The following ODF2 variants were observed in gnomAD, a reference collection of about 807,000 sequenced individuals.
ODF2 encodes outer dense fiber of sperm tails 2, also known as outer dense fiber protein 2.
In ODF2, 47 loss-of-function variants were observed where a neutral mutation model predicts 110.2. The observed-to-expected ratio is 0.43, with a 90% CI of 0.34 to 0.54. The LOEUF (loss-of-function observed/expected upper bound fraction) is 0.54, where lower values mean the gene tolerates loss of function less well. Among genes scored for constraint, ODF2 ranks in the 20% least tolerant of loss-of-function variants. The probability of loss-of-function intolerance (pLI) is 0.03; values close to 1 mark genes in which losing one functional copy is unlikely to be tolerated. For missense variants in ODF2, 812 were observed against 1,054.5 expected (o/e 0.77, Z 3.19); for synonymous variants, 352 against 397.7 (o/e 0.89, Z 1.37).
chr9:128,469,053 T>C (rs1839044781), intron 4 of ODF2, 130 bp from the exon 5 acceptor site: 6 of 754,890 alleles, frequency 7.9e-6, no homozygotes, highest in Non-Finnish European at 1.1e-5. Flanking sequence ...TCAGAGTATG[T>C]TCTTCCTGGG....
At chr9:128,492,581 T>C in intron 15 of ODF2, 45 bp downstream of exon 15, 1 of 1,527,628 alleles carries the variant, frequency 6.5e-7, no homozygotes, top group Non-Finnish European at 9.0e-7. Context: ...GTGCCCTCCC[T>C]GCCCCCATCA....
At chr9:128,455,469 G>C (rs1834577132), upstream of ODF2, 2 of 263,734 alleles carry the variant, frequency 7.6e-6, no homozygotes. Context: ...CAGGAGAATG[G>C]CGTGAACCCG....
At chr9:128,489,852 A>G (rs986826428) in intron 14 of ODF2, among the ~76,000 whole-genome samples, 2 of 152,202 alleles carry the variant, frequency 1.3e-5, no homozygotes, top group Non-Finnish European at 2.9e-5. Flanking sequence ...GTTACTGAAT[A>G]GTAAAGTAGT....
chr9:128,496,018 A>C, intron 17 of ODF2, 23 bp from the exon 18 acceptor site: 1 of 1,613,262 alleles, frequency 6.2e-7, no homozygotes, highest in Non-Finnish European at 8.5e-7. Context: ...TTTGTAAACC[A>C]GTCTGTGTTC....
At chr9:128,463,092 A>G (rs1836927636) in intron 4 of ODF2, among the ~76,000 whole-genome samples, 1 of 150,438 alleles carries the variant, frequency 6.6e-6, no homozygotes, top group Admixed American at 6.6e-5. Context: ...GTGAGATCCT[A>G]TCTCTACAAA....
upstream of ODF2, among the ~76,000 whole-genome samples, chr9:128,455,842 C>T (rs1005398651): frequency 6.6e-6 from 1 of 152,148 alleles, no homozygotes; most frequent in East Asian, 1.9e-4. Flanking sequence ...GCGTCGGAAC[C>T]GTACGCTCCT....
chr9:128,467,723 C>T (rs1232333322), intron 4 of ODF2, among the ~76,000 whole-genome samples: 1 of 117,810 alleles, frequency 8.5e-6, no homozygotes, highest in Non-Finnish European at 1.6e-5. Context: ...CCAGCCTAGG[C>T]GATGGAGTGA....
exon 2 of ODF2, chr9:128,457,377 G>GC: frequency 6.2e-7 from 1 of 1,612,726 alleles, no homozygotes; most frequent in East Asian, 2.2e-5. Flanking sequence ...TGACCCAATT[G>GC]CCCACCTTTG....
At chr9:128,493,088 C>CA in intron 16 of ODF2, among the ~76,000 whole-genome samples, 1 of 145,934 alleles carries the variant, frequency 6.9e-6, no homozygotes, top group South Asian at 2.2e-4. Context: ...ATAACAACAA[C>CA]AAAAAAACTC....
intron 5 of ODF2, 70 bp downstream of exon 5, chr9:128,469,423 G>T: frequency 6.5e-7 from 1 of 1,529,474 alleles, no homozygotes; most frequent in Middle Eastern, 2.0e-4. Flanking sequence ...TGGATTTCCT[G>T]CCTGGTCCCT....
intron 4 of ODF2, among the ~76,000 whole-genome samples, chr9:128,467,973 G>A (rs988953305): frequency 3.9e-5 from 6 of 151,960 alleles, no homozygotes; most frequent in African/African-American, 1.5e-4. Context: ...GGGATTACAG[G>A]CATGAGCCAC....
At chr9:128,486,608 T>C (rs1446779311) in intron 13 of ODF2, among the ~76,000 whole-genome samples, 1 of 152,204 alleles carries the variant, frequency 6.6e-6, no homozygotes, top group African/African-American at 2.4e-5. Context: ...AGGGCTCCTC[T>C]TGAGGCCACA....
At chr9:128,460,771 C>T in intron 3 of ODF2, 105 bp downstream of exon 3, 2 of 1,532,784 alleles carry the variant, frequency 1.3e-6, no homozygotes, top group Non-Finnish European at 8.9e-7. Context: ...GACAAACACA[C>T]TCTTTCGGAG....
chr9:128,494,944 G>A lies in ODF2; in HGVS notation c.1911+276G>A, dbSNP rs1845329760. 7 of 929,222 alleles carry A rather than the reference G, an allele frequency of 7.5e-6. No individual in the cohort carries two copies. In the East Asian group the frequency reaches 1.9e-4, roughly 25 times the overall value. 57.6% of individuals were successfully genotyped at this position (929,222 alleles called of 1,614,324 possible). ...ACCCAAGACTGCTGCCTCTGCCTGTGTGCTCCGCAGCTGTCCTCAGCTCCA... is the reference window on the plus strand; with the variant it reads ...ACCCAAGACTGCTGCCTCTGCCTGTATGCTCCGCAGCTGTCCTCAGCTCCA... On this transcript the variant is annotated intron_variant, in intron 17 of 20. Coordinates refer to ENST00000604420, the Ensembl canonical transcript of ODF2. This position sits in a 1 kb window ranked among gnomAD's most constrained non-coding sequence, Gnocchi z 4.6.
intron 4 of ODF2, among the ~76,000 whole-genome samples, chr9:128,462,763 C>A (rs533239471): frequency 6.6e-6 from 1 of 152,036 alleles, no homozygotes; most frequent in East Asian, 2.0e-4. Flanking sequence ...CCATGCCCGG[C>A]TAATTTTTTA....
At chr9:128,483,841 G>C in intron 10 of ODF2, 97 bp from the exon 11 acceptor site, 2 of 814,730 alleles carry the variant, frequency 2.5e-6, no homozygotes, top group South Asian at 2.7e-5. Flanking sequence ...AGCTGAGATT[G>C]CGCCACTGCA....
In ODF2 at chr9:128,481,255, G is replaced by T. The variant is rs182515395; in HGVS notation, c.844-325G>T. Among the ~76,000 whole-genome samples the T allele has an allele frequency of 1.6e-3, 251 of 152,278 alleles. 2 individuals are homozygous for T. Among genetic ancestry groups the T allele is most frequent in the African/African-American group, 5.7e-3 (238 of 41,552 alleles). On this transcript the variant is annotated intron_variant, in intron 8 of 20. Coordinates refer to ENST00000604420, the Ensembl canonical transcript of ODF2. ...GGAGGCCAAAGCAGGCAGATTGTTT[G>T]AACCCAGGAGTTCAAGACCAGCCTG...
intron 18 of ODF2, among the ~76,000 whole-genome samples, chr9:128,496,461 T>C (rs984397857): frequency 6.6e-6 from 1 of 152,162 alleles, no homozygotes; most frequent in African/African-American, 2.4e-5. Flanking sequence ...CAGTATACTG[T>C]GGTGGGGGCA....
intron 8 of ODF2, among the ~76,000 whole-genome samples, chr9:128,475,008 AG>A (rs1840955489): frequency 6.6e-6 from 1 of 152,154 alleles, no homozygotes; most frequent in Admixed American, 6.5e-5. Context: ...TAGCAAATAT[AG>A]TCGACCCTCT....
Sources: allele counts gnomAD v4.1 joint callset (sites outside exome capture counted in the v4.1 genomes callset), GRCh38; gene constraint gnomAD v4.1.1; non-coding constraint Gnocchi (gnomAD v3.1); transcripts MANE v1.5; gene names NCBI Gene and HGNC (gene_info 2026-07-23, HGNC 2026-07-21).